Variants in MACROD2 observed in about 807,000 individuals in gnomAD.
The protein encoded by MACROD2 is ADP-ribose glycohydrolase MACROD2.
MACROD2 carries 36 observed loss-of-function variants against 70.4 expected under a neutral mutation model. That is an observed-to-expected ratio of 0.51 (90% CI 0.39 to 0.68). The LOEUF (loss-of-function observed/expected upper bound fraction) is 0.68, where lower values mean the gene tolerates loss of function less well. Ranked by LOEUF, MACROD2 falls within the 30% of genes least tolerant of loss-of-function variation. MACROD2 has a pLI of 0.00. For missense variants in MACROD2, 496 were observed against 538.4 expected (o/e 0.92, Z 0.78); for synonymous variants, 172 against 178.8 (o/e 0.96, Z 0.30).
chr20:16,030,318 C>T (rs1035448349), intron 15 of MACROD2, among the ~76,000 whole-genome samples: 3 of 152,122 alleles, frequency 2.0e-5, no homozygotes, highest in African/African-American at 7.2e-5. Flanking sequence ...CTGCTTTACC[C>T]CTCCCAAGGA....
chr20:15,497,032 G>C (rs1400165879), intron 7 of MACROD2, among the ~76,000 whole-genome samples: 1 of 152,180 alleles, frequency 6.6e-6, no homozygotes, highest in African/African-American at 2.4e-5. Context: ...GAGGGACAAT[G>C]CCTTTAGGAC....
chr20:15,038,584 G>T (rs2075331898), intron 5 of MACROD2, among the ~76,000 whole-genome samples: 2 of 152,188 alleles, frequency 1.3e-5, no homozygotes, highest in Admixed American at 6.5e-5. Context: ...ACCTGTCCAT[G>T]TGTGTGACTC....
At chr20:15,577,373 G>A (rs2048463287) in intron 8 of MACROD2, among the ~76,000 whole-genome samples, 1 of 151,860 alleles carries the variant, frequency 6.6e-6, no homozygotes, top group African/African-American at 2.4e-5. Context: ...GACATCGTAT[G>A]ATTTCATTCA....
intron 3 of MACROD2, among the ~76,000 whole-genome samples, chr20:14,484,498 A>G (rs2084699224): frequency 6.6e-6 from 1 of 152,170 alleles, no homozygotes; most frequent in Non-Finnish European, 1.5e-5. Flanking sequence ...TATTTACTAT[A>G]GTCACCCTGT....
chr20:14,515,142 A>AAAAAG (rs2085077028), intron 4 of MACROD2, among the ~76,000 whole-genome samples: 1 of 152,152 alleles, frequency 6.6e-6, no homozygotes. Flanking sequence ...AGATGAGCTG[A>AAAAAG]AAAAGAAAGT....
chr20:14,057,776 A>G (rs1463982546), intron 2 of MACROD2, among the ~76,000 whole-genome samples: 1 of 152,216 alleles, frequency 6.6e-6, no homozygotes, highest in Non-Finnish European at 1.5e-5. Flanking sequence ...AATGGCCATC[A>G]GCAGTAAAAT....
chr20:15,632,069 G>C (rs986075782), intron 8 of MACROD2, among the ~76,000 whole-genome samples: 1 of 152,082 alleles, frequency 6.6e-6, no homozygotes, highest in Non-Finnish European at 1.5e-5. Context: ...AGCCTGGGAG[G>C]TGGAGGTTGC....
intron 3 of MACROD2, among the ~76,000 whole-genome samples, chr20:14,467,537 A>G (rs2084471107): frequency 6.6e-6 from 1 of 151,876 alleles, no homozygotes; most frequent in Non-Finnish European, 1.5e-5. Context: ...CGCTGCCCCC[A>G]CTGTCCTGCA....
chr20:15,991,071 C>T (rs2066551547), intron 15 of MACROD2, among the ~76,000 whole-genome samples: 2 of 151,922 alleles, frequency 1.3e-5, no homozygotes, highest in Admixed American at 1.3e-4. Flanking sequence ...AAAAATCAGC[C>T]AAATATATTA....
chr20:15,762,354 C>A (rs929290521), intron 8 of MACROD2, among the ~76,000 whole-genome samples: 2 of 152,172 alleles, frequency 1.3e-5, no homozygotes, highest in Admixed American at 1.3e-4. Flanking sequence ...TCAGGTCTGT[C>A]TGCCCTCAAT....
At chr20:14,712,852 G>C (rs559573907) in intron 5 of MACROD2, among the ~76,000 whole-genome samples, 2 of 152,212 alleles carry the variant, frequency 1.3e-5, no homozygotes, top group East Asian at 3.9e-4. Context: ...CAATAGGAAG[G>C]GAATTTGGTA....
chr20:15,001,096 T>A lies in MACROD2; in HGVS notation c.419-228844T>A, dbSNP rs368431404. Among the ~76,000 whole-genome samples the A allele has an allele frequency of 2.6e-5, 4 of 152,278 alleles. No individual in the cohort carries two copies. In the East Asian group the frequency reaches 7.7e-4, roughly 29 times the overall value. On this transcript the variant is annotated intron_variant, in intron 5 of 17. Coordinates refer to ENST00000684519, the MANE Select transcript of MACROD2 (RefSeq NM_001351661.2). ...TCTGTACCTATGATCTCAAGAATAATGGTGGGGTTCTGGACGGAGAAGGTT... is the reference window on the plus strand; with the variant it reads ...TCTGTACCTATGATCTCAAGAATAAAGGTGGGGTTCTGGACGGAGAAGGTT...
chr20:14,651,078 G>C (rs769579502), intron 4 of MACROD2, among the ~76,000 whole-genome samples: 1 of 152,082 alleles, frequency 6.6e-6, no homozygotes, highest in Non-Finnish European at 1.5e-5. Context: ...TCCAAAACAG[G>C]GTTCTAGGAT....
At chr20:15,456,138 G>A (rs1214194898) in intron 7 of MACROD2, among the ~76,000 whole-genome samples, 1 of 152,136 alleles carries the variant, frequency 6.6e-6, no homozygotes, top group Non-Finnish European at 1.5e-5. Flanking sequence ...GCAAATACTG[G>A]TAGTCACAGA....
At chr20:15,910,119 G>T (rs2065213770) in intron 10 of MACROD2, among the ~76,000 whole-genome samples, 1 of 152,166 alleles carries the variant, frequency 6.6e-6, no homozygotes, top group Non-Finnish European at 1.5e-5. Flanking sequence ...CCCTGGTTCT[G>T]TTACGCCATC....
rs534649447 is a variant in MACROD2 at position 15,974,787 on chromosome 20, G to GT, written c.985+7164dup. ...CAACAAAATAAAACAATTACAGGCTGTTTTTTTAACTGTGAGCACATACTT... is the reference window on the plus strand; with the variant it reads ...CAACAAAATAAAACAATTACAGGCTGTTTTTTTTAACTGTGAGCACATACTT... On this transcript the variant is annotated intron_variant, in intron 13 of 17. Transcript: ENST00000684519. Among the ~76,000 whole-genome samples the GT allele has an allele frequency of 4.6e-5, 7 of 152,100 alleles. No individual in the cohort carries two copies. The South Asian group carries it at 6.2e-4, about 14-fold the overall frequency.
chr20:15,939,369 T>C (rs1220334763), intron 12 of MACROD2, among the ~76,000 whole-genome samples: 1 of 152,182 alleles, frequency 6.6e-6, no homozygotes, highest in Non-Finnish European at 1.5e-5. Flanking sequence ...GCTCATTTAC[T>C]ATTCCAAGAA....
intron 8 of MACROD2, among the ~76,000 whole-genome samples, chr20:15,569,385 G>A (rs991033872): frequency 5.3e-5 from 8 of 152,182 alleles, no homozygotes; most frequent in Non-Finnish European, 8.8e-5. Context: ...AGGTATTATC[G>A]TTTTTGTGGT....
chr20:14,370,716 C>T (rs965787875), intron 3 of MACROD2, among the ~76,000 whole-genome samples: 2 of 152,176 alleles, frequency 1.3e-5, no homozygotes, highest in Non-Finnish European at 2.9e-5. Flanking sequence ...GGTGTCACTA[C>T]TTCAGTGTTA....
Sources: allele counts gnomAD v4.1 joint callset (sites outside exome capture counted in the v4.1 genomes callset), GRCh38; gene constraint gnomAD v4.1.1; transcripts MANE v1.5; gene names NCBI Gene and HGNC (gene_info 2026-07-23, HGNC 2026-07-21).